Variants in LRRC1 observed in about 807,000 individuals in gnomAD.
The protein encoded by LRRC1 is leucine-rich repeat-containing protein 1.
A neutral mutation model predicts 69.9 loss-of-function variants in LRRC1; 28 were observed. The ratio of observed to expected loss-of-function variants is 0.40; its 90% CI spans 0.30 to 0.55. LRRC1 has a LOEUF of 0.55. LRRC1 is among the 20% of genes least tolerant of loss of function. The probability of loss-of-function intolerance (pLI) is 0.47; values close to 1 mark genes in which losing one functional copy is unlikely to be tolerated. For synonymous variants in LRRC1, 236 were observed against 240.2 expected, an observed-to-expected ratio of 0.98 and a Z score of 0.16; for missense variants, 498 against 609.0, an observed-to-expected ratio of 0.82 and a Z score of 1.92.
At chr6:53,893,692 T>C (rs939974611) in intron 4 of LRRC1, among the ~76,000 whole-genome samples, 1 of 152,208 alleles carries the variant, frequency 6.6e-6, no homozygotes, top group African/African-American at 2.4e-5. Context: ...ACTTAGCCTG[T>C]ACTTTGTTAA....
At chr6:53,921,157 G>T (rs970600983) in intron 13 of LRRC1, among the ~76,000 whole-genome samples, 3 of 151,964 alleles carry the variant, frequency 2.0e-5, no homozygotes, top group Non-Finnish European at 4.4e-5. Flanking sequence ...TTGTAGAGAT[G>T]ACGTTTCACC....
At chr6:53,871,211 CG>C (rs1351317817) in intron 2 of LRRC1, among the ~76,000 whole-genome samples, 1 of 152,090 alleles carries the variant, frequency 6.6e-6, no homozygotes, top group Non-Finnish European at 1.5e-5. Flanking sequence ...GAGGAACCGC[CG>C]TAGTTTTTCA....
intron 2 of LRRC1, among the ~76,000 whole-genome samples, chr6:53,857,511 C>G (rs553543974): frequency 6.6e-6 from 1 of 152,228 alleles, no homozygotes; most frequent in Non-Finnish European, 1.5e-5. Flanking sequence ...TTGGGAAGCA[C>G]CATTGTTAAA....
At chr6:53,865,377 A>C (rs370168701) in intron 2 of LRRC1, among the ~76,000 whole-genome samples, 29 of 152,126 alleles carry the variant, frequency 1.9e-4, no homozygotes, top group African/African-American at 7.0e-4. Flanking sequence ...ACACAAACGT[A>C]ATTAGACTCA....
At chr6:53,859,315 A>G (rs961385514) in intron 2 of LRRC1, among the ~76,000 whole-genome samples, 6 of 152,188 alleles carry the variant, frequency 3.9e-5, no homozygotes, top group South Asian at 2.1e-4. Flanking sequence ...AACCACCTAT[A>G]TAGAATTCTT....
intron 1 of LRRC1, among the ~76,000 whole-genome samples, chr6:53,838,280 C>T (rs1408970765): frequency 6.6e-6 from 1 of 152,180 alleles, no homozygotes; most frequent in Non-Finnish European, 1.5e-5. Flanking sequence ...GTTTTTACAT[C>T]TGGCATGTAC....
At chr6:53,827,902 G>A (rs937444074) in intron 1 of LRRC1, among the ~76,000 whole-genome samples, 3 of 152,178 alleles carry the variant, frequency 2.0e-5, no homozygotes, top group African/African-American at 7.2e-5. Flanking sequence ...TTATTATTAT[G>A]TGCCAGGTCA....
intron 11 of LRRC1, 22 bp from the exon 12 acceptor site, chr6:53,919,476 T>TA: frequency 2.4e-5 from 29 of 1,226,212 alleles, no homozygotes; most frequent in African/African-American, 8.6e-5. Context: ...GTCTCTTTTT[T>TA]TAAAAAAAAA....
chr6:53,804,836 C>T (rs1764592774), intron 1 of LRRC1, among the ~76,000 whole-genome samples: 1 of 152,124 alleles, frequency 6.6e-6, no homozygotes, highest in Non-Finnish European at 1.5e-5. Flanking sequence ...GTTTTTTAGT[C>T]AGAGTTGGAT....
intron 9 of LRRC1, among the ~76,000 whole-genome samples, chr6:53,903,344 C>T (rs1562068023): frequency 6.6e-6 from 1 of 151,706 alleles, no homozygotes; most frequent in Non-Finnish European, 1.5e-5. Flanking sequence ...GCAATGCGTG[C>T]ACCCCCTGGC....
intron 2 of LRRC1, among the ~76,000 whole-genome samples, chr6:53,848,168 A>T (rs1236537756): frequency 6.6e-6 from 1 of 152,192 alleles, no homozygotes; most frequent in African/African-American, 2.4e-5. Flanking sequence ...ACTGTACCTT[A>T]GGTTGTGCTG....
At chr6:53,914,371 TCA>T (rs1768503075) in intron 11 of LRRC1, among the ~76,000 whole-genome samples, 1 of 152,156 alleles carries the variant, frequency 6.6e-6, no homozygotes, top group African/African-American at 2.4e-5. Context: ...GAGTTTGAAC[TCA>T]GTTTTAACCA....
intron 2 of LRRC1, among the ~76,000 whole-genome samples, chr6:53,873,960 A>G (rs879601405): frequency 6.6e-6 from 1 of 152,248 alleles, no homozygotes; most frequent in South Asian, 2.1e-4. Context: ...AGAACCAGAA[A>G]TAGTGACAAG....
intron 1 of LRRC1, among the ~76,000 whole-genome samples, chr6:53,827,396 G>A (rs969371567): frequency 2.4e-4 from 36 of 151,866 alleles, no homozygotes; most frequent in Non-Finnish European, 7.4e-5. Context: ...GAACTGTGGC[G>A]GGTATTCTGA....
intron 2 of LRRC1, among the ~76,000 whole-genome samples, chr6:53,870,244 T>C (rs1004027972): frequency 3.3e-5 from 5 of 152,172 alleles, no homozygotes; most frequent in African/African-American, 7.2e-5. Flanking sequence ...TTCATGTGAT[T>C]TCTCGGTTGG....
chr6:53,847,325 G>A (rs1765980524), intron 2 of LRRC1, among the ~76,000 whole-genome samples: 1 of 152,122 alleles, frequency 6.6e-6, no homozygotes. Context: ...TGAGGCAAAT[G>A]ATAAAGAATG....
chr6:53,819,610 A>G (rs1205332328), intron 1 of LRRC1, among the ~76,000 whole-genome samples: 1 of 152,130 alleles, frequency 6.6e-6, no homozygotes, highest in African/African-American at 2.4e-5. Context: ...TGGGAAGGAA[A>G]AGAGCACATT....
rs1241593910 is a variant in LRRC1, at chr6:53,795,081, C to T, written c.-176C>T. On this transcript the variant is annotated 5_prime_UTR_variant, in exon 1 of 14. Transcript: ENST00000370888. ...TACAGGGACGGGGCAGGGGCTCCCG[C>T]TCCAGGTTCCTTGAAGCACTTCCGA... 23 of 567,994 alleles carry T rather than the reference C, an allele frequency of 4.0e-5. 1 individual carries two copies. In the Admixed American group the frequency reaches 6.6e-4, roughly 16 times the overall value. The allele number at this position is 567,994 out of a possible 1,614,324, so 35.2% of individuals were successfully genotyped here. A position where few individuals can be genotyped will look rare whatever the true frequency, so the allele number is the denominator to read the frequency against.
chr6:53,862,640 G>A (rs1012119859), intron 2 of LRRC1, among the ~76,000 whole-genome samples: 1 of 152,078 alleles, frequency 6.6e-6, no homozygotes, highest in African/African-American at 2.4e-5. Context: ...TTTTACAAAG[G>A]CCGTCTCTCT....
Sources: gnomAD v4.1 joint callset for allele counts (sites outside exome capture counted in the v4.1 genomes callset) on GRCh38, gnomAD v4.1.1 for gene constraint, MANE v1.5 for transcripts, NCBI Gene and HGNC (gene_info 2026-07-23, HGNC 2026-07-21) for gene names.